Variants in GALNT13 observed in about 807,000 individuals in gnomAD.
GALNT13 encodes the protein polypeptide N-acetylgalactosaminyltransferase 13, also known as UDP-GalNAc:polypeptide N-acetylgalactosaminyltransferase 13.
A neutral mutation model predicts 64.2 loss-of-function variants in GALNT13; 28 were observed. That is an observed-to-expected ratio of 0.44 (90% CI 0.32 to 0.60). The LOEUF is 0.60. Ranked by LOEUF, GALNT13 falls within the 20% of genes least tolerant of loss-of-function variation. The pLI is 0.05. For missense variants in GALNT13, 577 were observed against 669.8 expected, an observed-to-expected ratio of 0.86 and a Z score of 1.53; for synonymous variants, 214 against 224.6, an observed-to-expected ratio of 0.95 and a Z score of 0.42.
At chr2:153,800,111 A>G in the GALNT13 span, among the ~76,000 whole-genome samples, 2 of 139,394 alleles carry the variant, frequency 1.4e-5, no homozygotes, top group African/African-American at 2.5e-5. Context: ...ACACACATGC[A>G]TATCTCAGAG....
At chr2:153,548,809 G>T in the GALNT13 span, among the ~76,000 whole-genome samples, 4 of 152,100 alleles carry the variant, frequency 2.6e-5, no homozygotes, top group Admixed American at 2.6e-4. Context: ...ATATGCTCAC[G>T]TGAAAACTTG....
At chr2:153,846,436 A>G in the GALNT13 span, among the ~76,000 whole-genome samples, 1 of 152,160 alleles carries the variant, frequency 6.6e-6, no homozygotes, top group African/African-American at 2.4e-5. Flanking sequence ...TATTAAGCCA[A>G]TAAGGGTTAA....
chr2:154,144,127 T>C (rs952461449), intron 4 of GALNT13, among the ~76,000 whole-genome samples: 15 of 152,136 alleles, frequency 9.9e-5, no homozygotes, highest in Non-Finnish European at 8.8e-5. Flanking sequence ...ATTTTATTTT[T>C]ATATAAAACT....
At chr2:154,243,739 T>C (rs1199961150) in intron 6 of GALNT13, among the ~76,000 whole-genome samples, 6 of 152,168 alleles carry the variant, frequency 3.9e-5, no homozygotes, top group Non-Finnish European at 8.8e-5. Flanking sequence ...ACTGATACAA[T>C]AACAAAACAT....
intron 3 of GALNT13, among the ~76,000 whole-genome samples, chr2:153,995,650 A>G (rs546350350): frequency 4.6e-5 from 7 of 152,228 alleles, no homozygotes; most frequent in South Asian, 2.1e-4. Context: ...CTATCCCTCA[A>G]TCCTTGATCA....
chr2:154,423,547 A>G (rs1290742243), intron 11 of GALNT13, among the ~76,000 whole-genome samples: 1 of 152,140 alleles, frequency 6.6e-6, no homozygotes, highest in African/African-American at 2.4e-5. Flanking sequence ...AAGCATTCCT[A>G]TTTCTCCACA....
the GALNT13 span, chr2:153,592,825 T>G: frequency 1.3e-4 from 20 of 152,260 alleles, no homozygotes; most frequent in African/African-American, 4.3e-4. Context: ...TGGAGAAACT[T>G]AAAGCCTGTT....
intron 3 of GALNT13, among the ~76,000 whole-genome samples, chr2:154,093,160 G>A (rs1205804279): frequency 6.6e-6 from 1 of 151,976 alleles, no homozygotes; most frequent in African/African-American, 2.4e-5. Flanking sequence ...TAAAGAAAAT[G>A]AGATGTGAAA....
At chr2:153,906,159 G>T (rs866498775) in intron 2 of GALNT13, among the ~76,000 whole-genome samples, 7 of 151,036 alleles carry the variant, frequency 4.6e-5, no homozygotes, top group Admixed American at 1.3e-4. Context: ...TATTTATTTT[G>T]ATCTTTTAGT....
intron 9 of GALNT13, among the ~76,000 whole-genome samples, chr2:154,394,367 A>G: frequency 6.6e-6 from 1 of 152,200 alleles, no homozygotes; most frequent in East Asian, 1.9e-4. Context: ...CACATGCACA[A>G]AGAAACCCTT....
At chr2:153,344,184 C>T in the GALNT13 span, among the ~76,000 whole-genome samples, 744 of 152,128 alleles carry the variant, frequency 4.9e-3, 7 homozygotes, top group African/African-American at 0.017. Context: ...TTTATAGATA[C>T]ATTACTACCC....
At chr2:153,810,338 T>A in the GALNT13 span, among the ~76,000 whole-genome samples, 1 of 152,272 alleles carries the variant, frequency 6.6e-6, no homozygotes, top group South Asian at 2.1e-4. Flanking sequence ...TTCCAAGTGT[T>A]GTGCGTGATC....
the GALNT13 span, among the ~76,000 whole-genome samples, chr2:153,171,768 C>G: frequency 2.6e-5 from 4 of 152,134 alleles, no homozygotes; most frequent in South Asian, 8.3e-4. Flanking sequence ...ATGGCCTTAT[C>G]TTGGGAATAA....
At chr2:153,871,122 C>T (rs1251329205), upstream of GALNT13, among the ~76,000 whole-genome samples, 2 of 149,522 alleles carry the variant, frequency 1.3e-5, no homozygotes, top group Non-Finnish European at 3.0e-5. Context: ...AACTCAGTAC[C>T]ATGGGGGTAT....
At chr2:154,000,603 T>C (rs972891760) in intron 3 of GALNT13, among the ~76,000 whole-genome samples, 3 of 152,070 alleles carry the variant, frequency 2.0e-5, no homozygotes, top group Admixed American at 1.3e-4. Flanking sequence ...TTTCTAACAT[T>C]CCTTTTGTCA....
chr2:153,784,817 C>T, the GALNT13 span, among the ~76,000 whole-genome samples: 1 of 152,190 alleles, frequency 6.6e-6, no homozygotes, highest in East Asian at 1.9e-4. Context: ...CATTACAGCT[C>T]CCTGAGGTGG....
chr2:153,136,977 G>A, the GALNT13 span, among the ~76,000 whole-genome samples: 17 of 151,862 alleles, frequency 1.1e-4, no homozygotes, highest in Non-Finnish European at 2.2e-4. Flanking sequence ...GCCCTCTCCC[G>A]AGGTGAATAA....
chr2:154,357,903 C>T (rs1226064689), intron 9 of GALNT13, among the ~76,000 whole-genome samples: 1 of 152,054 alleles, frequency 6.6e-6, no homozygotes, highest in Non-Finnish European at 1.5e-5. Flanking sequence ...AATAAAACTA[C>T]ACATTTTAAA....
chr2:153,687,528 AAGAGT>A, the GALNT13 span, among the ~76,000 whole-genome samples: 1 of 151,644 alleles, frequency 6.6e-6, no homozygotes, highest in Admixed American at 6.6e-5. Flanking sequence ...ATTTGAATAG[AAGAGT>A]AAATATTTAT....
Sources: gnomAD v4.1 joint callset for allele counts (sites outside exome capture counted in the v4.1 genomes callset) on GRCh38, gnomAD v4.1.1 for gene constraint, MANE v1.5 for transcripts, NCBI Gene and HGNC (gene_info 2026-07-23, HGNC 2026-07-21) for gene names.